Variants in SKIC3 observed in about 807,000 individuals in gnomAD.
SKIC3 encodes the protein SKI3 subunit of superkiller complex, also known as superkiller complex protein 3.
At chr5:95,516,273 C>T in the SKIC3 span, 2 of 1,501,168 alleles carry the variant, frequency 1.3e-6, no homozygotes, top group East Asian at 2.3e-5. Flanking sequence ...CATTTCTCCA[C>T]AAGAAGCTGA....
the SKIC3 span, among the ~76,000 whole-genome samples, chr5:95,533,215 T>C: frequency 6.6e-6 from 1 of 152,278 alleles, no homozygotes; most frequent in East Asian, 1.9e-4. Flanking sequence ...CATGAAGCTT[T>C]ATAAACTGAG....
At chr5:95,510,333 T>C in the SKIC3 span, among the ~76,000 whole-genome samples, 7 of 152,234 alleles carry the variant, frequency 4.6e-5, no homozygotes, top group African/African-American at 1.7e-4. Context: ...TTATAGTTTA[T>C]AGTTTGAAAC....
the SKIC3 span, among the ~76,000 whole-genome samples, chr5:95,514,507 A>G: frequency 1.3e-5 from 2 of 152,154 alleles, no homozygotes; most frequent in African/African-American, 4.8e-5. Context: ...GAGTTAAACA[A>G]TAGAGTTCTG....
At chr5:95,468,368 G>A in the SKIC3 span, among the ~76,000 whole-genome samples, 124 of 152,180 alleles carry the variant, frequency 8.1e-4, no homozygotes, top group Middle Eastern at 3.4e-3. Flanking sequence ...TGAAAAGTAG[G>A]CAGAAACTAA....
At chr5:95,549,819 G>C in the SKIC3 span, among the ~76,000 whole-genome samples, 1 of 151,612 alleles carries the variant, frequency 6.6e-6, no homozygotes, top group Non-Finnish European at 1.5e-5. Context: ...CCCTTATTGA[G>C]ATCCAACCAT....
chr5:95,478,144 C>G, the SKIC3 span: 1 of 912,368 alleles, frequency 1.1e-6, no homozygotes, highest in Non-Finnish European at 1.6e-6. Flanking sequence ...CATCACAAAC[C>G]CAAAATACAA....
At chr5:95,490,784 C>T in the SKIC3 span, 2 of 1,286,414 alleles carry the variant, frequency 1.6e-6, no homozygotes, top group African/African-American at 1.5e-5. Flanking sequence ...AGGCGTGAGC[C>T]ACCATGCCCG....
the SKIC3 span, among the ~76,000 whole-genome samples, chr5:95,488,468 C>T: frequency 6.6e-6 from 1 of 152,108 alleles, no homozygotes; most frequent in African/African-American, 2.4e-5. Flanking sequence ...GAACACCCAT[C>T]AGACTAACAG....
At chr5:95,497,768 A>T in the SKIC3 span, among the ~76,000 whole-genome samples, 1 of 152,246 alleles carries the variant, frequency 6.6e-6, no homozygotes, top group African/African-American at 2.4e-5. Flanking sequence ...CACTGTGTTC[A>T]AACACAAAGA....
the SKIC3 span, chr5:95,506,915 G>A: frequency 1.9e-6 from 3 of 1,611,512 alleles, no homozygotes; most frequent in East Asian, 2.2e-5. Context: ...CAGAATTAAT[G>A]GAGAAAAAAT....
the SKIC3 span, among the ~76,000 whole-genome samples, chr5:95,530,721 T>C: frequency 6.6e-6 from 1 of 152,208 alleles, no homozygotes; most frequent in Non-Finnish European, 1.5e-5. Context: ...TCCTCTTAAG[T>C]CTACAAATTT....
the SKIC3 span, chr5:95,494,734 A>G: frequency 6.2e-7 from 1 of 1,613,754 alleles, no homozygotes; most frequent in Non-Finnish European, 8.5e-7. Context: ...TATTTTTTTC[A>G]TCTTCTGCTG....
chr5:95,525,485 A>T, the SKIC3 span: 6 of 1,613,998 alleles, frequency 3.7e-6, no homozygotes, highest in Non-Finnish European at 5.1e-6. Flanking sequence ...GTAAGAAGAG[A>T]GAAGGTCTTC....
chr5:95,471,754 T>C, the SKIC3 span, among the ~76,000 whole-genome samples: 2 of 152,138 alleles, frequency 1.3e-5, no homozygotes, highest in Non-Finnish European at 2.9e-5. Flanking sequence ...ACTGGTGCCA[T>C]TGTAAGGTGG....
the SKIC3 span, among the ~76,000 whole-genome samples, chr5:95,538,152 G>C: frequency 9.9e-5 from 15 of 151,998 alleles, no homozygotes; most frequent in Non-Finnish European, 4.4e-5. Flanking sequence ...TCTCTGTCAT[G>C]GAGGAGGGTG....
the SKIC3 span, chr5:95,506,892 T>C: frequency 5.0e-6 from 8 of 1,597,018 alleles, no homozygotes; most frequent in Admixed American, 1.7e-5. Context: ...ACCAGAAAAA[T>C]ACAATCAATT....
the SKIC3 span, among the ~76,000 whole-genome samples, chr5:95,547,319 ATC>A: frequency 6.6e-6 from 1 of 152,124 alleles, no homozygotes; most frequent in Admixed American, 6.6e-5. Context: ...ACCTCTTCAG[ATC>A]TGTACTCAAA....
At chr5:95,538,205 G>A in the SKIC3 span, among the ~76,000 whole-genome samples, 1 of 152,040 alleles carries the variant, frequency 6.6e-6, no homozygotes, top group Non-Finnish European at 1.5e-5. Flanking sequence ...TTTGAAATGT[G>A]TTTGATATTC....
the SKIC3 span, among the ~76,000 whole-genome samples, chr5:95,499,824 T>C: frequency 6.6e-6 from 1 of 152,180 alleles, no homozygotes; most frequent in African/African-American, 2.4e-5. Context: ...ATTTACATTT[T>C]ATAGGTAAAC....
Sources: allele counts gnomAD v4.1 joint callset (sites outside exome capture counted in the v4.1 genomes callset), GRCh38; gene constraint gnomAD v4.1.1; transcripts MANE v1.5; gene names NCBI Gene and HGNC (gene_info 2026-07-23, HGNC 2026-07-21).